PDE4C: variants seen among roughly 807,000 people sequenced by gnomAD.
PDE4C encodes 3',5'-cyclic-AMP phosphodiesterase 4C.
Under a neutral mutation model 63.9 loss-of-function variants are expected in PDE4C, and 50 were observed. The observed-to-expected ratio is 0.78, with a 90% CI of 0.62 to 0.99. PDE4C has a LOEUF of 0.99. Ranked by LOEUF, PDE4C falls within the 50% of genes least tolerant of loss-of-function variation. The pLI is 0.00. For synonymous variants in PDE4C, 377 were observed against 385.1 expected (o/e 0.98, Z 0.25); for missense variants, 777 against 899.1 (o/e 0.86, Z 1.74).
At position 18,220,633 on chromosome 19, in the gene PDE4C, C is replaced by T. The variant is rs1000088975; in HGVS notation, c.500-118G>A. The stretch of plus-strand genomic sequence containing the variant: ...CTGTTCCCACGGGGGCCACCCAGGA[C>T]TCCTGGACCCAAGTTCCAGATCTGT... On this transcript the variant is annotated intron_variant, in intron 5 of 14. Coordinates refer to ENST00000262805, the Ensembl canonical transcript of PDE4C. The surrounding 1 kb of genome is among the most constrained non-coding windows in gnomAD (Gnocchi z 5.1). 5.4e-6 allele frequency: 5 copies of T among 920,886 alleles called. No individual in the cohort carries two copies. The highest frequency in any genetic ancestry group is 3.3e-5 in the African/African-American group (2 of 60,454). 57.0% of individuals were successfully genotyped at this position (920,886 alleles called of 1,614,324 possible). A position where few individuals can be genotyped will look rare whatever the true frequency, so the allele number is the denominator to read the frequency against.
chr19:18,211,417 T>A, intron 14 of PDE4C, 141 bp from the exon 15 acceptor site: 1 of 757,050 alleles, frequency 1.3e-6, no homozygotes, highest in Non-Finnish European at 2.1e-6. Flanking sequence ...TCAAAACCCT[T>A]TTCAAATAAC....
chr19:18,222,241 C>G, exon 2 of PDE4C: 1 of 1,614,074 alleles, frequency 6.2e-7, no homozygotes, highest in Admixed American at 1.7e-5. Flanking sequence ...GGGACTGGAG[C>G]CTGCATAATC....
upstream of PDE4C, among the ~76,000 whole-genome samples, chr19:18,227,898 A>G (rs1968775074): frequency 1.3e-5 from 2 of 152,154 alleles, no homozygotes; most frequent in Non-Finnish European, 2.9e-5. Context: ...GATACATGAG[A>G]GTCTCCCCAT....
intron 11 of PDE4C, among the ~76,000 whole-genome samples, 193 bp downstream of exon 11, chr19:18,217,956 T>TCTGTG (rs1300155545): frequency 6.6e-6 from 1 of 152,130 alleles, no homozygotes; most frequent in Non-Finnish European, 1.5e-5. Flanking sequence ...AGCTCATTAT[T>TCTGTG]CTGTCATTTG....
intron 1 of PDE4C, among the ~76,000 whole-genome samples, chr19:18,222,990 G>A (rs942420394): frequency 1.3e-5 from 2 of 151,300 alleles, no homozygotes; most frequent in African/African-American, 2.4e-5. Flanking sequence ...GTGAGCCACC[G>A]CACCCGGCCT....
At chr19:18,218,912 C>T (rs752510125) in intron 9 of PDE4C, 28 bp downstream of exon 9, 1 of 1,541,440 alleles carries the variant, frequency 6.5e-7, no homozygotes, top group East Asian at 2.2e-5. Context: ...AGGAGTTTTT[C>T]CTTGGAAGCC....
intron 4 of PDE4C, 56 bp downstream of exon 4, chr19:18,221,049 T>TCCGCCAGGCCCCGCACCACC: frequency 8.1e-7 from 1 of 1,239,970 alleles, no homozygotes; most frequent in South Asian, 1.3e-5. Flanking sequence ...CAGCCCGCTT[T>TCCGCCAGGCCCCGCACCACC]CCGCCCACCT....
At chr19:18,242,514 G>A (rs1034088634) in intron 1 of PDE4C, among the ~76,000 whole-genome samples, 1 of 148,462 alleles carries the variant, frequency 6.7e-6, no homozygotes, top group African/African-American at 2.5e-5. Flanking sequence ...AGGCACAGTG[G>A]CTCACACCTG....
chr19:18,210,998 G>A, exon 15 of PDE4C: 1 of 1,614,216 alleles, frequency 6.2e-7, no homozygotes, highest in Non-Finnish European at 8.5e-7. Context: ...GGAGTTCAGT[G>A]TCAGGCAACT....
upstream of PDE4C, among the ~76,000 whole-genome samples, chr19:18,248,409 G>T (rs1969170880): frequency 6.6e-6 from 1 of 151,222 alleles, no homozygotes; most frequent in South Asian, 2.1e-4. Context: ...GTGGCCAAGA[G>T]GGTGGCCGGG....
At position 18,221,049 on chromosome 19, in the gene PDE4C, T is replaced by TCCGCCAGACCCCGCCCCACC. The variant is rs533243837; in HGVS notation, c.449+55_449+56insGGTGGGGCGGGGTCTGGCGG. ...CCCAGCCTCAATTTGCAGCCCGCTT[T>TCCGCCAGACCCCGCCCCACC]CCGCCCACCTTGTCTCTGCCGGCCC... On this transcript the variant is annotated intron_variant, in intron 4 of 14. Coordinates refer to ENST00000262805, the Ensembl canonical transcript of PDE4C. The TCCGCCAGACCCCGCCCCACC allele has an allele frequency of 7.4e-5, 92 of 1,241,114 alleles. 2 individuals carry two copies. In the African/African-American group the frequency reaches 8.1e-4, roughly 11 times the overall value. 76.9% of individuals were successfully genotyped at this position (1,241,114 alleles called of 1,614,324 possible).
chr19:18,239,554 G>A (rs949534974), intron 1 of PDE4C, among the ~76,000 whole-genome samples: 7 of 152,154 alleles, frequency 4.6e-5, no homozygotes, highest in African/African-American at 1.7e-4. Context: ...TGTGCTGTCC[G>A]CGGTGCTGAC....
intron 1 of PDE4C, among the ~76,000 whole-genome samples, chr19:18,247,502 G>T (rs1391752884): frequency 3.9e-5 from 6 of 152,152 alleles, no homozygotes; most frequent in Non-Finnish European, 8.8e-5. Flanking sequence ...CTCCATGTTG[G>T]CCAGGTTGGT....
At chr19:18,233,086 G>T in exon 1 of PDE4C, 1 of 1,570,766 alleles carries the variant, frequency 6.4e-7, no homozygotes, top group Non-Finnish European at 8.6e-7. Flanking sequence ...GGGCGCCGGG[G>T]TTGCCGCCAC....
upstream of PDE4C, among the ~76,000 whole-genome samples, chr19:18,234,837 G>T (rs1968922769): frequency 6.6e-6 from 1 of 152,108 alleles, no homozygotes. Context: ...ATGTCTTGCT[G>T]TGTGACGCAT....
At chr19:18,209,471 G>C (rs1967832521), downstream of PDE4C, 1 of 151,798 alleles carries the variant, frequency 6.6e-6, no homozygotes, top group South Asian at 2.1e-4. Flanking sequence ...GGCTGGTCTT[G>C]AACTCCTGAC....
At chr19:18,221,960 A>T (rs750641314) in intron 2 of PDE4C, among the ~76,000 whole-genome samples, 172 bp downstream of exon 2, 4 of 152,138 alleles carry the variant, frequency 2.6e-5, no homozygotes, top group Non-Finnish European at 5.9e-5. Flanking sequence ...CCCCTACTCC[A>T]GCAAAAGGCC....
intron 1 of PDE4C, among the ~76,000 whole-genome samples, chr19:18,240,321 A>G (rs1043729930): frequency 3.4e-5 from 5 of 149,004 alleles, no homozygotes; most frequent in African/African-American, 1.2e-4. Context: ...TCAGCTCCCA[A>G]GGAGGCTGAG....
upstream of PDE4C, chr19:18,252,083 G>GGTCT (rs1454905917): frequency 2.5e-6 from 1 of 398,900 alleles, no homozygotes; most frequent in Non-Finnish European, 4.4e-6. Flanking sequence ...GGGGCTCCAA[G>GGTCT]GTCTGGTCAG....
Sources: allele counts gnomAD v4.1 joint callset (sites outside exome capture counted in the v4.1 genomes callset), GRCh38; gene constraint gnomAD v4.1.1; non-coding constraint Gnocchi (gnomAD v3.1); transcripts MANE v1.5; gene names NCBI Gene and HGNC (gene_info 2026-07-23, HGNC 2026-07-21).